The following KSR2 variants were observed in gnomAD, a reference collection of about 807,000 sequenced individuals.
KSR2 encodes the protein kinase suppressor of ras 2.
A neutral mutation model predicts 107.8 loss-of-function variants in KSR2; 25 were observed. The observed-to-expected ratio is 0.23, with a 90% CI of 0.17 to 0.32. The LOEUF is 0.32. KSR2 is among the 10% of genes least tolerant of loss of function. The probability of loss-of-function intolerance (pLI) is 1.00; values close to 1 mark genes in which losing one functional copy is unlikely to be tolerated. For missense variants in KSR2, 887 were observed against 1,268.9 expected, an observed-to-expected ratio of 0.70 and a Z score of 4.57; for synonymous variants, 480 against 507.0, an observed-to-expected ratio of 0.95 and a Z score of 0.71.
At chr12:117,882,686 C>T (rs1593336802) in intron 1 of KSR2, among the ~76,000 whole-genome samples, 1 of 151,930 alleles carries the variant, frequency 6.6e-6, no homozygotes, top group South Asian at 2.1e-4. Flanking sequence ...ACAATCCATC[C>T]ATCCAACCAT....
intron 10 of KSR2, among the ~76,000 whole-genome samples, chr12:117,539,163 G>T (rs1876274529): frequency 6.6e-6 from 1 of 152,190 alleles, no homozygotes; most frequent in Non-Finnish European, 1.5e-5. Context: ...CATCTTTTCA[G>T]AGGTGAGACA....
intron 3 of KSR2, among the ~76,000 whole-genome samples, chr12:117,783,255 G>T (rs1167207764): frequency 1.3e-5 from 2 of 152,178 alleles, no homozygotes; most frequent in African/African-American, 4.8e-5. Context: ...GGACAAGGTG[G>T]ATGTAGCCCC....
In KSR2 at chr12:117,968,305, A is replaced by AT. The variant is rs753312227; in HGVS notation, c.-51_-50insA. On this transcript the variant is annotated 5_prime_UTR_variant, in exon 1 of 20. Coordinates refer to ENST00000339824, the MANE Select transcript of KSR2 (RefSeq NM_173598.6). ...CTCCTCCTCCTCCCAGAGAGAAAAA[A>AT]GAGGGGGGGGAGTAGAGGTAGTCTA... 36 of 1,112,120 alleles carry AT rather than the reference A, an allele frequency of 3.2e-5. 1 individual carries two copies. The East Asian group carries it at 1.2e-3, about 37-fold the overall frequency. 68.9% of individuals were successfully genotyped at this position (1,112,120 alleles called of 1,614,324 possible). A position where few individuals can be genotyped will look rare whatever the true frequency, so the allele number is the denominator to read the frequency against.
chr12:117,710,244 A>G (rs953653268), intron 4 of KSR2, among the ~76,000 whole-genome samples: 9 of 151,990 alleles, frequency 5.9e-5, no homozygotes, highest in African/African-American at 2.2e-4. Flanking sequence ...AAAAAAAATG[A>G]CCAACGGGAA....
intron 1 of KSR2, among the ~76,000 whole-genome samples, chr12:117,873,235 C>T (rs1893709206): frequency 6.6e-6 from 1 of 151,688 alleles, no homozygotes; most frequent in South Asian, 2.1e-4. Flanking sequence ...ATCCCAGCTA[C>T]TCCAGAGGCT....
intron 1 of KSR2, among the ~76,000 whole-genome samples, chr12:117,920,930 G>A (rs1177881546): frequency 6.6e-6 from 1 of 152,180 alleles, no homozygotes; most frequent in Non-Finnish European, 1.5e-5. Flanking sequence ...GCTGTAGGTA[G>A]AAACACAACC....
At chr12:117,629,049 A>G (rs551445188) in intron 5 of KSR2, among the ~76,000 whole-genome samples, 9 of 152,300 alleles carry the variant, frequency 5.9e-5, no homozygotes, top group Non-Finnish European at 8.8e-5. Flanking sequence ...AGTTGCTAAG[A>G]CCTTGGGAAA....
At chr12:117,868,253 C>A (rs903356759) in intron 1 of KSR2, among the ~76,000 whole-genome samples, 2 of 151,930 alleles carry the variant, frequency 1.3e-5, no homozygotes, top group Non-Finnish European at 2.9e-5. Flanking sequence ...CATAGTGAAA[C>A]CCTGTCTCTA....
rs1357256160 is a variant in KSR2 at position 117,794,217 on chromosome 12, GCA to G, written c.473-32695_473-32694del. Among the ~76,000 whole-genome samples the G allele has an allele frequency of 8.3e-4, 66 of 79,154 alleles. 3 individuals are homozygous for G. Among genetic ancestry groups the G allele is most frequent in the African/African-American group, 3.5e-3 (61 of 17,308 alleles). The allele number at this position is 79,154 out of a possible 152,430, so 51.9% of individuals were successfully genotyped here. A position where few individuals can be genotyped will look rare whatever the true frequency, so the allele number is the denominator to read the frequency against. ...ACACCATGCACACATACACCAACAT[GCA>G]CACACACCAACATGCACACTCACAC... On this transcript the variant is annotated intron_variant, in intron 3 of 19. Coordinates refer to ENST00000339824, the MANE Select transcript of KSR2 (RefSeq NM_173598.6).
intron 5 of KSR2, among the ~76,000 whole-genome samples, chr12:117,597,563 T>G (rs1318509640): frequency 6.6e-6 from 1 of 152,188 alleles, no homozygotes. Flanking sequence ...AGAGGCTCAT[T>G]CTTCCGGAGA....
chr12:117,678,765 T>C (rs1441170166), intron 4 of KSR2, among the ~76,000 whole-genome samples: 1 of 152,110 alleles, frequency 6.6e-6, no homozygotes, highest in African/African-American at 2.4e-5. Context: ...ATGGACAACA[T>C]GATGTGGGCA....
chr12:117,525,871 G>A (rs1875113219), intron 13 of KSR2, among the ~76,000 whole-genome samples: 1 of 152,200 alleles, frequency 6.6e-6, no homozygotes, highest in African/African-American at 2.4e-5. Context: ...TGGGAGGGTA[G>A]GAGACATGAG....
chr12:117,828,711 C>A (rs906913976), intron 3 of KSR2, among the ~76,000 whole-genome samples: 1 of 152,190 alleles, frequency 6.6e-6, no homozygotes, highest in African/African-American at 2.4e-5. Context: ...TCAGCCCTGG[C>A]CCTAGGCTTC....
At chr12:117,718,604 G>A (rs912864290) in intron 4 of KSR2, among the ~76,000 whole-genome samples, 10 of 152,116 alleles carry the variant, frequency 6.6e-5, no homozygotes, top group African/African-American at 1.4e-4. Context: ...ACTGAGGCTC[G>A]CACATGCCCA....
At chr12:117,606,317 CCTA>C (rs1439394189) in intron 5 of KSR2, among the ~76,000 whole-genome samples, 4 of 139,406 alleles carry the variant, frequency 2.9e-5, no homozygotes, top group African/African-American at 1.1e-4. Flanking sequence ...TCCTTCCTTC[CCTA>C]CTTTCTTCCT....
At chr12:117,666,522 C>T (rs1042706964) in intron 5 of KSR2, among the ~76,000 whole-genome samples, 3 of 152,160 alleles carry the variant, frequency 2.0e-5, no homozygotes, top group Non-Finnish European at 4.4e-5. Flanking sequence ...CTTTGACATC[C>T]CTGGGCCTCA....
At chr12:117,518,211 G>A (rs1000180559) in intron 14 of KSR2, among the ~76,000 whole-genome samples, 10 of 152,162 alleles carry the variant, frequency 6.6e-5, no homozygotes, top group Admixed American at 3.3e-4. Flanking sequence ...GGAACCCAGC[G>A]AGGGGATTGG....
At chr12:117,633,278 C>T (rs541404558) in intron 5 of KSR2, among the ~76,000 whole-genome samples, 4 of 152,174 alleles carry the variant, frequency 2.6e-5, no homozygotes, top group African/African-American at 4.8e-5. Flanking sequence ...CACTTCTCTC[C>T]GCTGAGAACA....
intron 3 of KSR2, among the ~76,000 whole-genome samples, chr12:117,840,657 A>T: frequency 6.6e-6 from 1 of 151,922 alleles, no homozygotes; most frequent in Non-Finnish European, 1.5e-5. Flanking sequence ...CGGCATCCCA[A>T]AGTGCTGGGA....
Sources: gnomAD v4.1 joint callset for allele counts (sites outside exome capture counted in the v4.1 genomes callset) on GRCh38, gnomAD v4.1.1 for gene constraint, MANE v1.5 for transcripts, NCBI Gene and HGNC (gene_info 2026-07-23, HGNC 2026-07-21) for gene names.